The following FTO variants were observed in gnomAD, a reference collection of about 807,000 sequenced individuals.
The protein encoded by FTO is alpha-ketoglutarate-dependent dioxygenase FTO.
In FTO, 47 loss-of-function variants were observed where a neutral mutation model predicts 63.9. The ratio of observed to expected loss-of-function variants is 0.74; its 90% CI spans 0.58 to 0.94. The LOEUF is 0.94. FTO is among the 40% of genes least tolerant of loss of function. The pLI is 0.00. For missense variants in FTO, 562 were observed against 618.1 expected (o/e 0.91, Z 0.96); for synonymous variants, 207 against 224.4 (o/e 0.92, Z 0.69).
At chr16:54,036,738 G>A (rs1462967528) in intron 8 of FTO, among the ~76,000 whole-genome samples, 1 of 152,094 alleles carries the variant, frequency 6.6e-6, no homozygotes, top group Non-Finnish European at 1.5e-5. Context: ...TCCATAAATG[G>A]AGGCAATAAT....
At chr16:53,790,579 C>CAAAAA (rs34860208) in intron 1 of FTO, among the ~76,000 whole-genome samples, 2 of 55,202 alleles carry the variant, frequency 3.6e-5, no homozygotes, top group Non-Finnish European at 6.4e-5. Flanking sequence ...CAAAATAAAG[C>CAAAAA]AAAAAAAAAA....
At chr16:53,922,490 G>T (rs1379416352) in intron 7 of FTO, among the ~76,000 whole-genome samples, 4 of 152,120 alleles carry the variant, frequency 2.6e-5, no homozygotes, top group Admixed American at 1.3e-4. Flanking sequence ...TGTCATATAA[G>T]TATTTTTTAA....
chr16:54,053,450 C>G (rs1156676251), intron 8 of FTO, among the ~76,000 whole-genome samples: 1 of 152,154 alleles, frequency 6.6e-6, no homozygotes, highest in Non-Finnish European at 1.5e-5. Flanking sequence ...ACTTGATTCT[C>G]TGGCCTCGCT....
intron 1 of FTO, among the ~76,000 whole-genome samples, chr16:53,754,025 G>A (rs1039088180): frequency 6.6e-6 from 1 of 152,158 alleles, no homozygotes; most frequent in African/African-American, 2.4e-5. Context: ...GTTAGAGAAC[G>A]GGGTTTGGAG....
intron 3 of FTO, among the ~76,000 whole-genome samples, chr16:53,843,515 A>G (rs570573857): frequency 4.6e-5 from 7 of 152,248 alleles, no homozygotes; most frequent in African/African-American, 1.4e-4. Flanking sequence ...TTGTGCCTTT[A>G]TAACATGCTC....
rs570308391 is a variant in FTO at position 53,787,847 on chromosome 16, A to G, written c.46-22293A>G. On this transcript the variant is annotated intron_variant, in intron 1 of 8. Coordinates refer to ENST00000471389, the MANE Select transcript of FTO (RefSeq NM_001080432.3). ...TGAATGATGGAGGTTCCGACGAGTC[A>G]AAGACACTGAACTATTCATTGCTAT... 2.0e-5 allele frequency among the ~76,000 whole-genome samples: 3 copies of G among 152,346 alleles called. No homozygotes were observed. In the South Asian group the frequency reaches 6.2e-4, roughly 32 times the overall value.
chr16:53,974,341 C>G (rs1465530076), intron 8 of FTO, among the ~76,000 whole-genome samples: 1 of 152,044 alleles, frequency 6.6e-6, no homozygotes, highest in African/African-American at 2.4e-5. Context: ...TCACTATTAC[C>G]TTTTTTATTA....
intron 8 of FTO, among the ~76,000 whole-genome samples, chr16:54,042,571 G>C (rs2085109825): frequency 1.5e-5 from 1 of 67,618 alleles, no homozygotes; most frequent in Non-Finnish European, 2.4e-5. Flanking sequence ...GGTAAACAAA[G>C]CAGCCAGGAA....
intron 2 of FTO, among the ~76,000 whole-genome samples, chr16:53,820,898 T>G (rs1049386530): frequency 2.0e-5 from 3 of 152,080 alleles, no homozygotes; most frequent in African/African-American, 7.2e-5. Context: ...ACTTGAGGAC[T>G]GCAGGAATAG....
intron 2 of FTO, among the ~76,000 whole-genome samples, chr16:53,812,978 T>C (rs1347873582): frequency 1.3e-5 from 2 of 152,228 alleles, no homozygotes; most frequent in African/African-American, 2.4e-5. Context: ...ACATGCATTG[T>C]CACAAAGCAA....
intron 8 of FTO, among the ~76,000 whole-genome samples, chr16:54,058,411 C>T (rs1375791811): frequency 2.6e-5 from 4 of 152,202 alleles, no homozygotes; most frequent in Non-Finnish European, 4.4e-5. Context: ...GCGTGAGCCA[C>T]CACGCCTGGC....
rs905171724 is a variant in FTO, at chr16:53,994,402, T to A, written c.1364+60293T>A. On this transcript the variant is annotated intron_variant, in intron 8 of 8. Transcript: ENST00000471389. Reference sequence around the variant, plus strand: ...CTCACTCTGTTGCCCCAGGCTGGAGTACAGTGGCACCATCATAGCTCGCTC... The same window carrying A: ...CTCACTCTGTTGCCCCAGGCTGGAGAACAGTGGCACCATCATAGCTCGCTC... 7.0e-4 allele frequency: 106 copies of A among 152,164 alleles called. 2 individuals carry two copies. The highest frequency in any genetic ancestry group is 2.5e-3 in the African/African-American group (102 of 41,402). The allele number at this position is 152,164 out of a possible 1,614,324, so 9.4% of individuals were successfully genotyped here.
At chr16:53,853,063 C>T (rs151303140) in intron 4 of FTO, among the ~76,000 whole-genome samples, 4,455 of 152,238 alleles carry the variant, frequency 0.029, 264 homozygotes, top group East Asian at 0.25. Flanking sequence ...GAGGCTGAGG[C>T]GGGCGGATCA....
chr16:53,880,686 TGTG>T (rs1364789272), intron 6 of FTO, among the ~76,000 whole-genome samples: 1 of 152,164 alleles, frequency 6.6e-6, no homozygotes, highest in African/African-American at 2.4e-5. Flanking sequence ...GCAAGCTCCC[TGTG>T]GTCTCTTTTA....
intron 8 of FTO, among the ~76,000 whole-genome samples, chr16:53,970,738 A>T (rs190907954): frequency 2.4e-4 from 36 of 152,258 alleles, no homozygotes; most frequent in Admixed American, 2.6e-4. Context: ...TGGGCCCAGG[A>T]TTGCAAGACT....
intron 2 of FTO, among the ~76,000 whole-genome samples, chr16:53,815,069 G>A (rs1282222151): frequency 1.4e-5 from 2 of 139,930 alleles, no homozygotes; most frequent in Non-Finnish European, 3.0e-5. Context: ...GCTGGTGAGA[G>A]CAGGGGAGAC....
chr16:54,090,408 G>A (rs952052667), intron 8 of FTO, among the ~76,000 whole-genome samples: 10 of 152,132 alleles, frequency 6.6e-5, no homozygotes, highest in Admixed American at 4.6e-4. Flanking sequence ...TGCCTAACAC[G>A]TACAGCATTT....
chr16:53,863,950 T>C (rs903294862), intron 4 of FTO, among the ~76,000 whole-genome samples: 1 of 152,304 alleles, frequency 6.6e-6, no homozygotes, highest in South Asian at 2.1e-4. Flanking sequence ...TTCTCTAATA[T>C]ATAGTGCCAA....
At chr16:54,041,288 C>T (rs1245961697) in intron 8 of FTO, among the ~76,000 whole-genome samples, 1 of 152,078 alleles carries the variant, frequency 6.6e-6, no homozygotes, top group Non-Finnish European at 1.5e-5. Flanking sequence ...GGGGAAACCA[C>T]CACTTTTAAA....
Sources: allele counts gnomAD v4.1 joint callset (sites outside exome capture counted in the v4.1 genomes callset), GRCh38; gene constraint gnomAD v4.1.1; transcripts MANE v1.5; gene names NCBI Gene and HGNC (gene_info 2026-07-23, HGNC 2026-07-21).